The following PWWP3A variants were observed in gnomAD, a reference collection of about 807,000 sequenced individuals.
PWWP3A encodes PWWP domain containing 3A, DNA repair factor.
PWWP3A carries 53 observed loss-of-function variants against 79.0 expected under a neutral mutation model. The ratio of observed to expected loss-of-function variants is 0.67; its 90% CI spans 0.54 to 0.84. PWWP3A has a LOEUF of 0.84. PWWP3A is among the 40% of genes least tolerant of loss of function. The pLI is 0.00. For missense variants in PWWP3A, 973 were observed against 948.0 expected (o/e 1.03, Z -0.35); for synonymous variants, 443 against 394.4 (o/e 1.12, Z -1.46).
At chr19:1,373,319 A>C in intron 13 of PWWP3A, 159 bp downstream of exon 13, 1 of 641,080 alleles carries the variant, frequency 1.6e-6, no homozygotes, top group Non-Finnish European at 2.8e-6. Flanking sequence ...CGCTGAACTC[A>C]CCCTGTGGGT....
chr19:1,355,374 C>T (rs940770181), intron 1 of PWWP3A, among the ~76,000 whole-genome samples: 12 of 151,938 alleles, frequency 7.9e-5, no homozygotes, highest in Admixed American at 2.0e-4. Flanking sequence ...TGCTTGGACC[C>T]GCTCCCCCAT....
chr19:1,375,524 A>AT (rs2082351952), intron 13 of PWWP3A, among the ~76,000 whole-genome samples: 1 of 6,456 alleles, frequency 1.5e-4, no homozygotes, highest in Non-Finnish European at 2.7e-4. Context: ...ATAAAATCAT[A>AT]TAATTTATAT....
At chr19:1,365,348 G>A (rs1222450255) in intron 7 of PWWP3A, among the ~76,000 whole-genome samples, 1 of 152,266 alleles carries the variant, frequency 6.6e-6, no homozygotes, top group South Asian at 2.1e-4. Flanking sequence ...TCATTGGTTT[G>A]GGTGCTGTCC....
At chr19:1,357,160 C>T (rs2081891646) in intron 3 of PWWP3A, 66 bp downstream of exon 3, 7 of 1,262,028 alleles carry the variant, frequency 5.5e-6, no homozygotes. Context: ...CAATCCCCTA[C>T]TCCCCCAAAA....
Position 1,376,687 on chromosome 19 carries a change from T to A in PWWP3A, c.*111T>A. The A allele has an allele frequency of 1.1e-6, 1 of 945,356 alleles. No homozygotes were observed. The highest frequency in any genetic ancestry group is 1.6e-6 in the Non-Finnish European group (1 of 608,166). 58.6% of individuals were successfully genotyped at this position (945,356 alleles called of 1,614,324 possible). A position where few individuals can be genotyped will look rare whatever the true frequency, so the allele number is the denominator to read the frequency against. ...GGGGGCACGTTTGCGTTTGGACCTG[T>A]CTGTGCGTTCTCCTGCGTGGCAGTC... On this transcript the variant is annotated 3_prime_UTR_variant, in exon 14 of 14. Coordinates refer to ENST00000591337, the MANE Select transcript of PWWP3A (RefSeq NM_001369789.1).
chr19:1,364,291 C>T (rs1361779423), intron 6 of PWWP3A: 5 of 679,366 alleles, frequency 7.4e-6, no homozygotes, highest in Non-Finnish European at 1.1e-5. Context: ...CACTCAGCTG[C>T]TGGTTTCACT....
At chr19:1,372,905 A>G (rs1202638099) in intron 12 of PWWP3A, 167 bp from the exon 13 acceptor site, 2 of 595,876 alleles carry the variant, frequency 3.4e-6, no homozygotes, top group East Asian at 2.8e-5. Context: ...AAACATCATT[A>G]CAAGCAGGGA....
At position 1,362,237 on chromosome 19, in the gene PWWP3A, A is replaced by T; in HGVS notation, c.1112-13A>T. On this transcript the variant is annotated splice_polypyrimidine_tract_variant and intron_variant, in intron 5 of 13. Coordinates refer to ENST00000591337, the MANE Select transcript of PWWP3A (RefSeq NM_001369789.1). ...GCAATGACCATGAAAGTCTAATATC[A>T]CATTATTGGCAGAGTGCCAGTCTTC... is the stretch of plus-strand genomic sequence containing the variant. 6.2e-7 allele frequency: 1 copy of T among 1,602,690 alleles called. No individual in the cohort carries two copies. The highest frequency in any genetic ancestry group is 8.5e-7 in the Non-Finnish European group (1 of 1,173,560).
chr19:1,360,787 C>T lies in PWWP3A; in HGVS notation c.866C>T (p.Ser289Leu), dbSNP rs1298281521. The T allele has an allele frequency of 5.6e-6, 9 of 1,605,196 alleles. No homozygotes were observed. In the African/African-American group the frequency reaches 6.7e-5, roughly 12 times the overall value. ...ACTGCGCCCCCAGCCCCTGAGCCCT[C>T]GGCCTGCTCAGAGCCTGGAGAATGC... is the stretch of plus-strand genomic sequence containing the variant. ...SLTAPPAPEP[S>L]ACSEPGECPA... Residue 289 changes from serine (S) to leucine (L), a missense_variant, in exon 5 of 14, where the codon TCG becomes TTG. Coordinates refer to ENST00000591337, the MANE Select transcript of PWWP3A (RefSeq NM_001369789.1). The surrounding 1 kb of genome is among the most constrained non-coding windows in gnomAD (Gnocchi z 4.4).
At chr19:1,356,515 A>G in intron 2 of PWWP3A, 66 bp downstream of exon 2, 2 of 1,470,538 alleles carry the variant, frequency 1.4e-6, no homozygotes, top group Admixed American at 1.7e-5. Flanking sequence ...TAAAATCTTG[A>G]TCAGGAGATA....
At chr19:1,372,932 G>T in intron 12 of PWWP3A, 140 bp from the exon 13 acceptor site, 1 of 641,690 alleles carries the variant, frequency 1.6e-6, no homozygotes, top group Non-Finnish European at 2.8e-6. Context: ...GACTAGGTTT[G>T]CACCTTCTGA....
rs766185118 is a variant in PWWP3A, at chr19:1,369,653, C to T, written c.1549+7C>T. The T allele has an allele frequency of 1.2e-6, 2 of 1,614,108 alleles. No homozygotes were observed. Among genetic ancestry groups the T allele is most frequent in the Non-Finnish European group, 1.7e-6 (2 of 1,179,946 alleles). On this transcript the variant is annotated splice_region_variant and intron_variant, in intron 11 of 13. Transcript: ENST00000591337. This position sits in a 1 kb window ranked among gnomAD's most constrained non-coding sequence, Gnocchi z 4.0. ...TATTACGCGGCTGATATAAGTAAGT[C>T]TACAGGCACATCTTGGAAAATGTGG...
At chr19:1,366,525 T>G in intron 8 of PWWP3A, 144 bp downstream of exon 8, 2 of 708,116 alleles carry the variant, frequency 2.8e-6, no homozygotes, top group Non-Finnish European at 2.5e-6. Context: ...GAGGTCTCAC[T>G]GGAGGTGTGC....
intron 13 of PWWP3A, chr19:1,373,706 C>T (rs2082308759): frequency 6.5e-6 from 1 of 154,770 alleles, no homozygotes; most frequent in South Asian, 2.0e-4. Flanking sequence ...AGGCTGAAGA[C>T]TCAACTAGAG....
Position 1,377,159 on chromosome 19 carries a change from C to T in PWWP3A, c.*583C>T, listed in dbSNP as rs11084893. ...TGCTCTGTGTCGTGTTTGCTGTGGC[C>T]GCAGGGAGAGGAGCAGGACACGCAC... On this transcript the variant is annotated 3_prime_UTR_variant, in exon 14 of 14. Transcript: ENST00000591337. The T allele has an allele frequency of 0.43, 66,146 of 152,278 alleles. 16,318 individuals are homozygous for T. The highest frequency in any genetic ancestry group is 0.57 in the Non-Finnish European group (39,001 of 68,320). 9.4% of individuals were successfully genotyped at this position (152,278 alleles called of 1,614,324 possible).
At chr19:1,364,702 T>A in intron 7 of PWWP3A, 123 bp downstream of exon 7, 1 of 862,662 alleles carries the variant, frequency 1.2e-6, no homozygotes, top group Non-Finnish European at 1.7e-6. Flanking sequence ...TTGTTTTTCC[T>A]GGGAAAAGTT....
At chr19:1,361,356 G>A (rs1422051826) in intron 5 of PWWP3A, among the ~76,000 whole-genome samples, 1 of 152,210 alleles carries the variant, frequency 6.6e-6, no homozygotes, top group Non-Finnish European at 1.5e-5. Flanking sequence ...CCGCAGCTGC[G>A]GCTGCACCCC....
rs1227582064 is a variant in PWWP3A at position 1,368,278 on chromosome 19, G to A, written c.1423-987G>A. Among the ~76,000 whole-genome samples the A allele has an allele frequency of 6.6e-6, 1 of 152,126 alleles. No individual in the cohort carries two copies. Among genetic ancestry groups the A allele is most frequent in the African/African-American group, 2.4e-5 (1 of 41,402 alleles). On this transcript the variant is annotated intron_variant, in intron 9 of 13. Transcript: ENST00000591337. The surrounding 1 kb of genome is among the most constrained non-coding windows in gnomAD (Gnocchi z 4.7). ...AGGTGTGGGGTGAGGAGAAGAGCAG[G>A]AAGTTCCGTGCCTTAAACGCAGAAG...
chr19:1,362,302 GGAGGAAGAC>G lies in PWWP3A; in HGVS notation c.1179_1187del (p.Asp394_Glu396del), dbSNP rs758373454. ...GGTCTAATTCCATGCGTTCTATCCTGGAGGAAGACGAGGAAGACGAGGAGCCACCAAGAG... is the reference window on the plus strand; with the variant it reads ...GGTCTAATTCCATGCGTTCTATCCTGGAGGAAGACGAGGAGCCACCAAGAG... On this transcript the variant is annotated inframe_deletion, in exon 6 of 14. Coordinates refer to ENST00000591337, the MANE Select transcript of PWWP3A (RefSeq NM_001369789.1). 149 of 1,614,112 alleles carry G rather than the reference GGAGGAAGAC, an allele frequency of 9.2e-5. No homozygotes were observed. Among genetic ancestry groups the G allele is most frequent in the South Asian group, 3.6e-4 (33 of 91,074 alleles).
Sources: allele counts gnomAD v4.1 joint callset (sites outside exome capture counted in the v4.1 genomes callset), GRCh38; gene constraint gnomAD v4.1.1; non-coding constraint Gnocchi (gnomAD v3.1); transcripts MANE v1.5; gene names NCBI Gene and HGNC (gene_info 2026-07-23, HGNC 2026-07-21).